Variants in ITGA2 observed in about 807,000 individuals in gnomAD.
ITGA2 encodes the protein integrin alpha-2.
Under a neutral mutation model 146.3 loss-of-function variants are expected in ITGA2, and 101 were observed. The ratio of observed to expected loss-of-function variants is 0.69; its 90% CI spans 0.59 to 0.81. ITGA2 has a LOEUF of 0.81. Ranked by LOEUF, ITGA2 falls within the 40% of genes least tolerant of loss-of-function variation. ITGA2 has a pLI of 0.00. For missense variants in ITGA2, 1,281 were observed against 1,402.7 expected (o/e 0.91, Z 1.39); for synonymous variants, 477 against 487.1 (o/e 0.98, Z 0.27).
chr5:53,011,455 G>A (rs138400919), intron 1 of ITGA2, among the ~76,000 whole-genome samples: 4 of 152,046 alleles, frequency 2.6e-5, no homozygotes, highest in Non-Finnish European at 5.9e-5. Flanking sequence ...CCAACCCACC[G>A]CTATGTTGCT....
At chr5:53,057,908 C>T (rs3212683) in intron 9 of ITGA2, 117 bp from the exon 10 acceptor site, 8,289 of 738,696 alleles carry the variant, frequency 0.011, 79 homozygotes, top group Non-Finnish European at 0.015. Context: ...AGTATTGGAA[C>T]AGTGTGTGTT....
chr5:53,078,248 A>G (rs1420278587), intron 23 of ITGA2, among the ~76,000 whole-genome samples: 1 of 152,090 alleles, frequency 6.6e-6, no homozygotes, highest in African/African-American at 2.4e-5. Flanking sequence ...TCAGACCCAA[A>G]CCATTCAAAT....
intron 23 of ITGA2, among the ~76,000 whole-genome samples, 178 bp from the exon 24 acceptor site, chr5:53,078,594 T>C (rs1340395283): frequency 6.6e-6 from 1 of 152,188 alleles, no homozygotes; most frequent in Non-Finnish European, 1.5e-5. Context: ...ATGTTAGTCT[T>C]AGAAACATAC....
At chr5:53,078,202 T>C (rs1745748234) in intron 23 of ITGA2, among the ~76,000 whole-genome samples, 1 of 152,134 alleles carries the variant, frequency 6.6e-6, no homozygotes, top group African/African-American at 2.4e-5. Context: ...AGGTGGTCTC[T>C]ACACTAATGG....
At chr5:53,078,351 A>G (rs1745755227) in intron 23 of ITGA2, among the ~76,000 whole-genome samples, 1 of 152,094 alleles carries the variant, frequency 6.6e-6, no homozygotes. Context: ...ATTATATTTT[A>G]GCCACACCAA....
chr5:53,048,874 A>G, intron 6 of ITGA2, 104 bp downstream of exon 6: 1 of 1,238,778 alleles, frequency 8.1e-7, no homozygotes, highest in Non-Finnish European at 1.2e-6. Context: ...CCCCATTTTA[A>G]ATGCATTTGA....
At chr5:53,045,164 C>G (rs1021066338) in intron 4 of ITGA2, 72 bp downstream of exon 4, 2 of 1,127,452 alleles carry the variant, frequency 1.8e-6, no homozygotes, top group African/African-American at 3.1e-5. Context: ...CTCACCATCC[C>G]TCCCAATCTG....
chr5:53,090,370 T>C, intron 29 of ITGA2, 149 bp from the exon 30 acceptor site: 1 of 725,052 alleles, frequency 1.4e-6, no homozygotes, highest in Non-Finnish European at 2.5e-6. Context: ...TAGCAGGTGG[T>C]AGATATCAGG....
At chr5:53,058,581 T>G (rs1349843032) in intron 10 of ITGA2, among the ~76,000 whole-genome samples, 1 of 151,810 alleles carries the variant, frequency 6.6e-6, no homozygotes, top group East Asian at 1.9e-4. Context: ...CACTGTCTTT[T>G]CAGCTCGGGG....
chr5:53,066,310 A>G (rs539734195), intron 15 of ITGA2, among the ~76,000 whole-genome samples: 16 of 152,042 alleles, frequency 1.1e-4, no homozygotes, highest in African/African-American at 3.6e-4. Flanking sequence ...AAACCTCATG[A>G]GAGTGCATTC....
At chr5:53,038,206 AT>A (rs1311238661) in intron 2 of ITGA2, among the ~76,000 whole-genome samples, 6 of 92,714 alleles carry the variant, frequency 6.5e-5, no homozygotes, top group Admixed American at 4.7e-4. Context: ...AGAGGCTCTG[AT>A]AAAAAAAAAA....
At chr5:53,029,333 G>A (rs529849239) in intron 2 of ITGA2, among the ~76,000 whole-genome samples, 56 of 152,240 alleles carry the variant, frequency 3.7e-4, no homozygotes, top group African/African-American at 1.3e-3. Flanking sequence ...GATGCTCTGC[G>A]ATTGGGTGTC....
rs772997202 is a variant in ITGA2 at position 53,060,905 on chromosome 5, C to T, written c.1317C>T (p.Tyr439=). The part of the protein sequence containing the change: ...QDRNHSSYLG[Y]SVAAISTGES... ...CTGTTGCTCCTTCCCTTTTAGGTTA[C>T]TCTGTGGCTGCAATTTCTACTGGAG... is the stretch of plus-strand genomic sequence containing the variant. Residue 439 remains tyrosine, a synonymous_variant, in exon 12 of 30, where the codon TAC becomes TAT. Transcript: ENST00000296585. 1.9e-6 allele frequency: 3 copies of T among 1,612,270 alleles called. No homozygotes were observed. Among genetic ancestry groups the T allele is most frequent in the Admixed American group, 3.3e-5 (2 of 59,858 alleles).
intron 19 of ITGA2, 134 bp from the exon 20 acceptor site, chr5:53,072,984 T>A: frequency 1.1e-6 from 1 of 878,094 alleles, no homozygotes; most frequent in Non-Finnish European, 1.8e-6. Context: ...GCAAAGATAG[T>A]TTATTACACA....
chr5:53,015,494 A>T (rs1742360489), intron 1 of ITGA2, among the ~76,000 whole-genome samples: 1 of 151,584 alleles, frequency 6.6e-6, no homozygotes, highest in Non-Finnish European at 1.5e-5. Context: ...ATTTGCTGAG[A>T]ATTGTTTTAT....
chr5:53,056,088 T>C lies in ITGA2; in HGVS notation c.1035T>C (p.Ser345=), dbSNP rs771871249. Residue 345 remains serine (S), a synonymous_variant, in exon 9 of 30, where the codon TCT becomes TCC. Transcript: ENST00000296585. ...CAGAAAGATACTTTTTCAATGTGTCTGATGAAGCAGCTCTACTAGAAAAGG... is the reference window on the plus strand; with the variant it reads ...CAGAAAGATACTTTTTCAATGTGTCCGATGAAGCAGCTCTACTAGAAAAGG... The part of the protein sequence containing the change: ...IPTERYFFNV[S]DEAALLEKAG... 1.2e-6 allele frequency: 2 copies of C among 1,612,150 alleles called. No individual in the cohort carries two copies. Among genetic ancestry groups the C allele is most frequent in the Middle Eastern group, 1.7e-4 (1 of 6,026 alleles).
In ITGA2 at chr5:53,062,686, C is replaced by T. The variant is rs537626409; in HGVS notation, c.1459-100C>T. ...CCAAGCACTTTGCAAATAGTAAACACTCAATTTTTGTGTATTGAATGAGCA... is the reference window on the plus strand; with the variant it reads ...CCAAGCACTTTGCAAATAGTAAACATTCAATTTTTGTGTATTGAATGAGCA... On this transcript the variant is annotated intron_variant, in intron 12 of 29. Transcript: ENST00000296585. 20 of 1,308,416 alleles carry T rather than the reference C, an allele frequency of 1.5e-5. No homozygotes were observed. In the Admixed American group the frequency reaches 3.4e-4, roughly 22 times the overall value. 81.1% of individuals were successfully genotyped at this position (1,308,416 alleles called of 1,614,324 possible). A position where few individuals can be genotyped will look rare whatever the true frequency, so the allele number is the denominator to read the frequency against.
In ITGA2 at chr5:53,059,768, C is replaced by T. The variant is rs1380842484; in HGVS notation, c.1174-106C>T. ...CAATATATGTTCATATATATTTCAT[C>T]ATTTTTAATAAATCTAAACAACTTA... On this transcript the variant is annotated intron_variant, in intron 10 of 29. Transcript: ENST00000296585. 3 of 1,039,826 alleles carry T rather than the reference C, an allele frequency of 2.9e-6. No individual in the cohort carries two copies. The Admixed American group carries it at 6.0e-5, about 21-fold the overall frequency. 64.4% of individuals were successfully genotyped at this position (1,039,826 alleles called of 1,614,324 possible). A position where few individuals can be genotyped will look rare whatever the true frequency, so the allele number is the denominator to read the frequency against.
At chr5:53,018,030 G>A (rs566423085) in intron 1 of ITGA2, among the ~76,000 whole-genome samples, 1 of 152,156 alleles carries the variant, frequency 6.6e-6, no homozygotes, top group Admixed American at 6.5e-5. Context: ...CTGATGAGGT[G>A]CCCTAGGAAG....
Sources: gnomAD v4.1 joint callset for allele counts (sites outside exome capture counted in the v4.1 genomes callset) on GRCh38, gnomAD v4.1.1 for gene constraint, MANE v1.5 for transcripts, NCBI Gene and HGNC (gene_info 2026-07-23, HGNC 2026-07-21) for gene names.